Variants in SPOCK1 observed in about 807,000 individuals in gnomAD.
SPOCK1 encodes SPARC (osteonectin), cwcv and kazal like domains proteoglycan 1.
A neutral mutation model predicts 55.3 loss-of-function variants in SPOCK1; 23 were observed. That is an observed-to-expected ratio of 0.42 (90% CI 0.30 to 0.59). SPOCK1 has a LOEUF of 0.59. SPOCK1 is among the 20% of genes least tolerant of loss of function. SPOCK1 has a pLI of 0.22. For synonymous variants in SPOCK1, 226 were observed against 221.0 expected (o/e 1.02, Z -0.20); for missense variants, 499 against 552.5 (o/e 0.90, Z 0.97).
chr5:137,193,807 C>T (rs1314345201), intron 3 of SPOCK1, among the ~76,000 whole-genome samples: 1 of 152,148 alleles, frequency 6.6e-6, no homozygotes, highest in Non-Finnish European at 1.5e-5. Flanking sequence ...GGCTAAGAAA[C>T]ATGAACAGCG....
intron 2 of SPOCK1, among the ~76,000 whole-genome samples, chr5:137,376,772 G>A (rs1751327698): frequency 6.6e-6 from 1 of 151,956 alleles, no homozygotes; most frequent in Non-Finnish European, 1.5e-5. Flanking sequence ...TCTGCAAGCT[G>A]TCTCCAACCT....
Position 137,318,360 on chromosome 5 carries a change from G to A in SPOCK1, c.187-51305C>T, listed in dbSNP as rs1013973745. Reference sequence around the variant, plus strand: ...TCGACTACCTGAGAAGAAAGAAAAGGCTGTCCTTAAATAATAAAAAAAGCA... The same window carrying A: ...TCGACTACCTGAGAAGAAAGAAAAGACTGTCCTTAAATAATAAAAAAAGCA... On this transcript the variant is annotated intron_variant, in intron 2 of 10. Transcript: ENST00000394945. 7.1e-4 allele frequency among the ~76,000 whole-genome samples: 108 copies of A among 152,232 alleles called. 1 individual carries two copies. Among genetic ancestry groups the A allele is most frequent in the African/African-American group, 2.4e-3 (98 of 41,526 alleles).
chr5:136,988,561 C>G lies in SPOCK1; in HGVS notation c.789G>C (p.Leu263=), dbSNP rs758505984. Residue 263 remains leucine, a synonymous_variant, in exon 8 of 11, where the codon CTG becomes CTC. Coordinates refer to ENST00000394945, the MANE Select transcript of SPOCK1 (RefSeq NM_004598.4). ...FNKLDMNYDL[L]LDPSEINAIY... is the part of the protein sequence containing the mutation. ...TGGCATTGATCTCTGAAGGGTCAAGCAGGAGGTCATAGTTCATGTCCAACT... is the reference window on the plus strand; with the variant it reads ...TGGCATTGATCTCTGAAGGGTCAAGGAGGAGGTCATAGTTCATGTCCAACT... 7 of 1,614,148 alleles carry G rather than the reference C, an allele frequency of 4.3e-6. No homozygotes were observed. The highest frequency in any genetic ancestry group is 5.9e-6 in the Non-Finnish European group (7 of 1,180,004).
At chr5:137,039,044 G>A (rs1327446219) in intron 6 of SPOCK1, among the ~76,000 whole-genome samples, 2 of 151,918 alleles carry the variant, frequency 1.3e-5, no homozygotes, top group Non-Finnish European at 2.9e-5. Flanking sequence ...TGATCGTGGT[G>A]GTGGTAATAA....
At chr5:137,398,072 C>G (rs1023818249) in intron 2 of SPOCK1, among the ~76,000 whole-genome samples, 2 of 152,048 alleles carry the variant, frequency 1.3e-5, no homozygotes, top group South Asian at 4.2e-4. Context: ...TGGGCCATAC[C>G]AGCCAGCCAC....
chr5:137,383,025 G>T (rs1371452157), intron 2 of SPOCK1, among the ~76,000 whole-genome samples: 1 of 152,150 alleles, frequency 6.6e-6, no homozygotes, highest in Non-Finnish European at 1.5e-5. Context: ...GGCCCTGCCT[G>T]GTCTGTACCT....
chr5:137,432,915 T>G lies in SPOCK1; in HGVS notation c.186+65458A>C, dbSNP rs370144908. On this transcript the variant is annotated intron_variant, in intron 2 of 10. Coordinates refer to ENST00000394945, the MANE Select transcript of SPOCK1 (RefSeq NM_004598.4). ...AACCCTGGGTCAAATGCTGAAATGC[T>G]TGCCCCCATTGCATATTTGTCCTAG... Among the ~76,000 whole-genome samples the G allele has an allele frequency of 2.0e-5, 3 of 152,300 alleles. No individual in the cohort carries two copies. In the East Asian group the frequency reaches 5.8e-4, roughly 29 times the overall value.
chr5:137,149,320 T>G (rs1276113389), intron 3 of SPOCK1, among the ~76,000 whole-genome samples: 1 of 152,120 alleles, frequency 6.6e-6, no homozygotes, highest in Admixed American at 6.5e-5. Flanking sequence ...AAAGATATCA[T>G]CCACAGAGAA....
At chr5:137,290,849 G>A (rs150576626) in intron 2 of SPOCK1, among the ~76,000 whole-genome samples, 37 of 152,308 alleles carry the variant, frequency 2.4e-4, no homozygotes, top group African/African-American at 8.7e-4. Flanking sequence ...AACCCTGACA[G>A]GTCTGGAAAG....
chr5:137,044,392 TG>T (rs1053301715), intron 6 of SPOCK1, among the ~76,000 whole-genome samples: 9 of 152,190 alleles, frequency 5.9e-5, no homozygotes, highest in Non-Finnish European at 1.0e-4. Flanking sequence ...ACAAAAGAAA[TG>T]TAACATACAT....
At chr5:137,004,261 G>A (rs1246028571) in intron 6 of SPOCK1, among the ~76,000 whole-genome samples, 1 of 152,154 alleles carries the variant, frequency 6.6e-6, no homozygotes, top group Admixed American at 6.6e-5. Flanking sequence ...TGCTTCCAGT[G>A]AACAAGCTGA....
At chr5:137,112,988 C>T (rs922974517) in intron 4 of SPOCK1, among the ~76,000 whole-genome samples, 2 of 152,142 alleles carry the variant, frequency 1.3e-5, no homozygotes, top group Non-Finnish European at 2.9e-5. Flanking sequence ...GGAGGACGCA[C>T]GGGCAACTCA....
intron 2 of SPOCK1, among the ~76,000 whole-genome samples, chr5:137,490,148 A>G (rs535586317): frequency 2.0e-5 from 3 of 152,170 alleles, no homozygotes; most frequent in Non-Finnish European, 4.4e-5. Context: ...ACATTACCCT[A>G]CCTGCATTAA....
chr5:137,351,082 A>T (rs190309488), intron 2 of SPOCK1, among the ~76,000 whole-genome samples: 1 of 152,300 alleles, frequency 6.6e-6, no homozygotes, highest in Admixed American at 6.5e-5. Flanking sequence ...AGTTATAAAA[A>T]CAATCCTGAC....
chr5:137,218,895 A>G lies in SPOCK1; in HGVS notation c.232+48115T>C, dbSNP rs181343415. On this transcript the variant is annotated intron_variant, in intron 3 of 10. Coordinates refer to ENST00000394945, the MANE Select transcript of SPOCK1 (RefSeq NM_004598.4). ...CAGAGGCGGCATGGTGATATGAAAG[A>G]AAATCATCAACAAGGAAAAAAGCAG... Among the ~76,000 whole-genome samples, 443 of 152,302 alleles carry G rather than the reference A, an allele frequency of 2.9e-3. 2 individuals are homozygous for G. The highest frequency in any genetic ancestry group is 6.0e-3 in the African/African-American group (250 of 41,568).
At chr5:137,096,066 G>C (rs1753139927) in intron 5 of SPOCK1, among the ~76,000 whole-genome samples, 1 of 152,148 alleles carries the variant, frequency 6.6e-6, no homozygotes. Context: ...TGACAGCACT[G>C]AAGGCGAGTG....
chr5:137,197,068 T>A (rs1043253542), intron 3 of SPOCK1, among the ~76,000 whole-genome samples: 9 of 152,174 alleles, frequency 5.9e-5, no homozygotes, highest in Non-Finnish European at 1.2e-4. Flanking sequence ...ATCACCTTAA[T>A]CTTGACAACA....
chr5:136,992,502 A>T lies in SPOCK1; in HGVS notation c.688T>A (p.Ser230Thr). Reference sequence around the variant, plus strand: ...GTCTTACTGCCTTGGGCTGTGTTGGAGCTGGTGGGCTTGATGACTCTGTTC... The same window carrying T: ...GTCTTACTGCCTTGGGCTGTGTTGGTGCTGGTGGGCTTGATGACTCTGTTC... ...DANRVIKPTS[S>T]NTAQGRFDTS... Residue 230 changes from serine (S) to threonine (T), a missense_variant, in exon 7 of 11, where the codon TCC becomes ACC. Ser to Thr is a moderately conservative substitution (Grantham distance 58, BLOSUM62 1). Coordinates refer to ENST00000394945, the MANE Select transcript of SPOCK1 (RefSeq NM_004598.4). The T allele has an allele frequency of 6.2e-7, 1 of 1,613,266 alleles. No individual in the cohort carries two copies. The highest frequency in any genetic ancestry group is 8.5e-7 in the Non-Finnish European group (1 of 1,179,650).
At chr5:137,024,314 A>AGGTGGGG (rs71583270) in intron 6 of SPOCK1, among the ~76,000 whole-genome samples, 1 of 119,194 alleles carries the variant, frequency 8.4e-6, no homozygotes, top group Admixed American at 8.8e-5. Flanking sequence ...ACCAGTTTGA[A>AGGTGGGG]GGGGGGGGGG....
Sources: gnomAD v4.1 joint callset for allele counts (sites outside exome capture counted in the v4.1 genomes callset) on GRCh38, gnomAD v4.1.1 for gene constraint, MANE v1.5 for transcripts, NCBI Gene and HGNC (gene_info 2026-07-23, HGNC 2026-07-21) for gene names.